The following ERC1 variants were observed in gnomAD, a reference collection of about 807,000 sequenced individuals.
ERC1 encodes RAB6 interacting protein 2.
Under a neutral mutation model 132.0 loss-of-function variants are expected in ERC1, and 56 were observed. The ratio of observed to expected loss-of-function variants is 0.42; its 90% confidence interval spans 0.34 to 0.53. ERC1 has a LOEUF of 0.53. ERC1 is among the 20% of genes least tolerant of loss of function. ERC1 has a pLI of 0.03. For missense variants in ERC1, 1,202 were observed against 1,349.9 expected (o/e 0.89, Z 1.72); for synonymous variants, 478 against 476.1 (o/e 1.00, Z -0.05).
chr12:1,336,251 C>G (rs1226149263), intron 15 of ERC1, among the ~76,000 whole-genome samples: 1 of 151,674 alleles, frequency 6.6e-6, no homozygotes, highest in African/African-American at 2.4e-5. Flanking sequence ...CTCAGTGTCC[C>G]TCAGTTCACC....
intron 1 of ERC1, among the ~76,000 whole-genome samples, chr12:1,014,663 G>A (rs1412789961): frequency 1.3e-5 from 2 of 152,062 alleles, no homozygotes; most frequent in Non-Finnish European, 2.9e-5. Context: ...TGCCTCGTAA[G>A]CATTCTTCTG....
intron 3 of ERC1, among the ~76,000 whole-genome samples, chr12:1,093,563 A>G (rs566290434): frequency 2.8e-4 from 43 of 152,322 alleles, no homozygotes; most frequent in African/African-American, 1.0e-3. Flanking sequence ...ATATTTCAGT[A>G]TGTGCTCCTA....
In ERC1 at chr12:1,376,410, T is replaced by C. The variant is rs1310957134; in HGVS notation, c.2925+4433T>C. Among the ~76,000 whole-genome samples, 4 of 150,686 alleles carry C rather than the reference T, an allele frequency of 2.7e-5. No individual in the cohort carries two copies. In the East Asian group the frequency reaches 7.8e-4, roughly 29 times the overall value. On this transcript the variant is annotated intron_variant, in intron 16 of 18. Coordinates refer to ENST00000360905, the MANE Select transcript of ERC1 (RefSeq NM_178040.4). ...TTCGAGTTCTGTGATTTTCCACATG[T>C]TACCTCCCGTTCTGGGTATCCCCGA...
intron 12 of ERC1, among the ~76,000 whole-genome samples, chr12:1,206,969 A>G (rs1001712923): frequency 6.6e-5 from 10 of 152,130 alleles, no homozygotes; most frequent in Non-Finnish European, 1.5e-4. Context: ...AATAACTACC[A>G]CAAGCTTAGC....
chr12:1,446,673 C>A (rs990900709), intron 18 of ERC1, among the ~76,000 whole-genome samples: 1 of 152,124 alleles, frequency 6.6e-6, no homozygotes, highest in African/African-American at 2.4e-5. Flanking sequence ...ACTGGTGAGC[C>A]TTAGAGCTGT....
intron 1 of ERC1, among the ~76,000 whole-genome samples, chr12:1,003,096 C>CAAAAAAAAAAAA (rs59507923): frequency 1.2e-5 from 1 of 86,918 alleles, no homozygotes; most frequent in Non-Finnish European, 2.0e-5. Context: ...ATGAAAAATG[C>CAAAAAAAAAAAA]AAAAAAAAAA....
intron 2 of ERC1, among the ~76,000 whole-genome samples, chr12:1,079,965 T>G (rs1941949434): frequency 6.6e-6 from 1 of 152,234 alleles, no homozygotes; most frequent in Non-Finnish European, 1.5e-5. Flanking sequence ...GTACATACTT[T>G]GTGATCCAGC....
intron 1 of ERC1, among the ~76,000 whole-genome samples, chr12:1,023,330 G>T (rs964520462): frequency 6.6e-6 from 1 of 152,172 alleles, no homozygotes; most frequent in Admixed American, 6.5e-5. Context: ...AAGATTTTGG[G>T]AGGACTCTCA....
intron 16 of ERC1, among the ~76,000 whole-genome samples, chr12:1,403,397 A>T (rs990983777): frequency 6.6e-6 from 1 of 152,226 alleles, no homozygotes; most frequent in African/African-American, 2.4e-5. Flanking sequence ...TGAGAAGAGC[A>T]TACTATGAGA....
chr12:1,190,154 G>A (rs2154276960), intron 12 of ERC1, 102 bp downstream of exon 12: 2 of 1,084,842 alleles, frequency 1.8e-6, no homozygotes, highest in Admixed American at 1.7e-5. Flanking sequence ...CTGAATTTAG[G>A]TTCTCGAATT....
chr12:1,464,208 C>G (rs2093697554), intron 18 of ERC1, among the ~76,000 whole-genome samples: 1 of 152,170 alleles, frequency 6.6e-6, no homozygotes, highest in African/African-American at 2.4e-5. Context: ...GTAGAATAAT[C>G]TTGTTTGTGC....
At chr12:1,004,660 C>T (rs1388268465) in intron 1 of ERC1, among the ~76,000 whole-genome samples, 1 of 151,500 alleles carries the variant, frequency 6.6e-6, no homozygotes, top group East Asian at 1.9e-4. Flanking sequence ...CCGCCTTGGC[C>T]CCCCAAAGTG....
chr12:1,177,840 T>C (rs1176800952), intron 8 of ERC1, among the ~76,000 whole-genome samples: 1 of 152,172 alleles, frequency 6.6e-6, no homozygotes, highest in Non-Finnish European at 1.5e-5. Context: ...TGAAGAGCAA[T>C]AAAGCAAAGC....
At position 1,049,388 on chromosome 12, in the gene ERC1, C is replaced by A. The variant is rs958992016; in HGVS notation, c.669+20816C>A. The stretch of plus-strand genomic sequence containing the variant: ...CTCAACCTTGGCTGCATATTGGTAT[C>A]ACTGAGAAACTTAAAAAACAAACAA... On this transcript the variant is annotated intron_variant, in intron 2 of 18. Coordinates refer to ENST00000360905, the MANE Select transcript of ERC1 (RefSeq NM_178040.4). Among the ~76,000 whole-genome samples the A allele has an allele frequency of 4.6e-5, 7 of 152,270 alleles. No homozygotes were observed. The South Asian group carries it at 8.3e-4, about 18-fold the overall frequency.
At chr12:1,200,805 G>T (rs571678398) in intron 12 of ERC1, among the ~76,000 whole-genome samples, 1 of 152,002 alleles carries the variant, frequency 6.6e-6, no homozygotes, top group Admixed American at 6.6e-5. Flanking sequence ...TGATCCGCCC[G>T]CCTCGGCCTC....
chr12:1,410,812 T>C (rs2091801714), intron 17 of ERC1, among the ~76,000 whole-genome samples: 1 of 152,134 alleles, frequency 6.6e-6, no homozygotes, highest in Non-Finnish European at 1.5e-5. Flanking sequence ...ATAGTAATTT[T>C]ATATGAAATT....
intron 3 of ERC1, among the ~76,000 whole-genome samples, chr12:1,093,938 TATAA>T (rs71055129): frequency 8.0e-6 from 1 of 124,598 alleles, no homozygotes; most frequent in Non-Finnish European, 1.7e-5. Flanking sequence ...TATTTTTCTA[TATAA>T]ATATATATAT....
At position 1,121,659 on chromosome 12, in the gene ERC1, A is replaced by ATCTGTG. The variant is rs796874346; in HGVS notation, c.1569+5629_1569+5630insGTGTCT. ...GCTGATGATCTCTATCTCTATCTCT[A>ATCTGTG]TCTCTATCTCTATCTCTATCTATCT... On this transcript the variant is annotated intron_variant, in intron 7 of 18. Transcript: ENST00000360905. Among the ~76,000 whole-genome samples the ATCTGTG allele has an allele frequency of 0.014, 197 of 13,590 alleles. 14 individuals are homozygous for ATCTGTG. In the South Asian group the frequency reaches 0.18, roughly 13 times the overall value. 8.9% of individuals were successfully genotyped at this position (13,590 alleles called of 152,430 possible). A position where few individuals can be genotyped will look rare whatever the true frequency, so the allele number is the denominator to read the frequency against.
At chr12:1,069,308 C>T (rs1024531557) in intron 2 of ERC1, among the ~76,000 whole-genome samples, 8 of 152,116 alleles carry the variant, frequency 5.3e-5, no homozygotes, top group Non-Finnish European at 1.0e-4. Flanking sequence ...GCATGGTGTA[C>T]TTAGCTGTAT....
Sources: allele counts gnomAD v4.1 joint callset (sites outside exome capture counted in the v4.1 genomes callset), GRCh38; gene constraint gnomAD v4.1.1; transcripts MANE v1.5; gene names NCBI Gene and HGNC (gene_info 2026-07-23, HGNC 2026-07-21).